FHIT: variants seen among roughly 807,000 people sequenced by gnomAD.
The protein encoded by FHIT is fragile histidine triad diadenosine triphosphatase.
Under a neutral mutation model 17.9 loss-of-function variants are expected in FHIT, and 19 were observed. That is an observed-to-expected ratio of 1.06 (90% CI 0.74 to 1.56). The LOEUF (loss-of-function observed/expected upper bound fraction) is 1.56, where lower values mean the gene tolerates loss of function less well. Among genes scored for constraint, FHIT ranks in the 40% most tolerant of loss-of-function variants. FHIT has a pLI of 0.00. For synonymous variants in FHIT, 81 were observed against 69.7 expected, an observed-to-expected ratio of 1.16 and a Z score of -0.81; for missense variants, 248 against 189.2, an observed-to-expected ratio of 1.31 and a Z score of -1.82.
At chr3:60,311,713 C>T (rs972810612) in intron 5 of FHIT, among the ~76,000 whole-genome samples, 3 of 152,196 alleles carry the variant, frequency 2.0e-5, no homozygotes, top group African/African-American at 7.2e-5. Flanking sequence ...TATGCAAAGG[C>T]TGTGGTTTGT....
At chr3:60,344,639 G>A (rs920089404) in intron 5 of FHIT, among the ~76,000 whole-genome samples, 2 of 152,182 alleles carry the variant, frequency 1.3e-5, no homozygotes, top group African/African-American at 4.8e-5. Flanking sequence ...CTGTATTTTA[G>A]AGACGCCTCC....
chr3:61,082,948 G>C (rs2035186599), intron 2 of FHIT, among the ~76,000 whole-genome samples: 1 of 152,142 alleles, frequency 6.6e-6, no homozygotes, highest in Admixed American at 6.6e-5. Context: ...TGCATTCAGG[G>C]TGGTATGGCC....
At chr3:60,031,918 A>C (rs1243372633) in intron 5 of FHIT, among the ~76,000 whole-genome samples, 1 of 152,234 alleles carries the variant, frequency 6.6e-6, no homozygotes, top group Non-Finnish European at 1.5e-5. Context: ...TAGTAACAGC[A>C]GTACCTATGA....
chr3:60,926,538 G>C (rs1320755667), intron 3 of FHIT, among the ~76,000 whole-genome samples: 16 of 152,128 alleles, frequency 1.1e-4, no homozygotes, highest in Admixed American at 2.0e-4. Context: ...ACCAGAATCT[G>C]TGGGACACAT....
intron 5 of FHIT, among the ~76,000 whole-genome samples, chr3:60,416,750 T>C (rs1440603186): frequency 1.3e-5 from 2 of 152,186 alleles, no homozygotes; most frequent in African/African-American, 4.8e-5. Flanking sequence ...CCTACTCATG[T>C]GCACAAGGAG....
chr3:60,381,086 TA>T (rs1366674045), intron 5 of FHIT, among the ~76,000 whole-genome samples: 1 of 152,190 alleles, frequency 6.6e-6, no homozygotes, highest in South Asian at 2.1e-4. Context: ...TCATGTCACA[TA>T]TAAATGATTT....
intron 4 of FHIT, among the ~76,000 whole-genome samples, chr3:60,703,347 C>T (rs1553702718): frequency 1.3e-5 from 2 of 152,170 alleles, no homozygotes; most frequent in African/African-American, 4.8e-5. Flanking sequence ...CAATAAATGT[C>T]TGTTATTTTA....
At chr3:61,044,587 A>T (rs2033692004) in intron 2 of FHIT, among the ~76,000 whole-genome samples, 1 of 152,098 alleles carries the variant, frequency 6.6e-6, no homozygotes, top group Non-Finnish European at 1.5e-5. Context: ...GAACTTCCCC[A>T]ATCTAGCAAT....
At chr3:59,752,612 T>C (rs1252920873) in intron 8 of FHIT, among the ~76,000 whole-genome samples, 3 of 152,140 alleles carry the variant, frequency 2.0e-5, no homozygotes, top group African/African-American at 7.2e-5. Flanking sequence ...GAATCCCCAG[T>C]GTCAGAGGTG....
At chr3:61,214,322 G>T (rs2106785480) in intron 1 of FHIT, among the ~76,000 whole-genome samples, 1 of 152,232 alleles carries the variant, frequency 6.6e-6, no homozygotes, top group African/African-American at 2.4e-5. Flanking sequence ...TGATAAAGGG[G>T]ATATCACCAC....
chr3:60,978,516 A>C (rs1435960167), intron 3 of FHIT, among the ~76,000 whole-genome samples: 1 of 152,220 alleles, frequency 6.6e-6, no homozygotes, highest in Non-Finnish European at 1.5e-5. Context: ...AGAGAAATAA[A>C]GCATGACATA....
At chr3:60,217,991 T>C (rs1199445055) in intron 5 of FHIT, among the ~76,000 whole-genome samples, 1 of 152,202 alleles carries the variant, frequency 6.6e-6, no homozygotes, top group African/African-American at 2.4e-5. Context: ...AATGCCATTC[T>C]CAATTTTTGG....
At chr3:60,032,279 G>A (rs553137469) in intron 5 of FHIT, among the ~76,000 whole-genome samples, 38 of 152,074 alleles carry the variant, frequency 2.5e-4, no homozygotes, top group African/African-American at 7.5e-4. Context: ...GGGCAAAGTA[G>A]TGAGACCCCA....
chr3:60,361,642 A>T (rs1277831245), intron 5 of FHIT, among the ~76,000 whole-genome samples: 1 of 152,222 alleles, frequency 6.6e-6, no homozygotes, highest in African/African-American at 2.4e-5. Context: ...CAAGAATCAA[A>T]CAAACAAAAG....
chr3:60,491,363 C>G (rs1263703341), intron 5 of FHIT, among the ~76,000 whole-genome samples: 1 of 151,890 alleles, frequency 6.6e-6, no homozygotes, highest in Non-Finnish European at 1.5e-5. Context: ...ACACAACCAA[C>G]CTTATAATGT....
intron 4 of FHIT, among the ~76,000 whole-genome samples, chr3:60,717,890 A>T (rs2041723481): frequency 6.6e-6 from 1 of 152,212 alleles, no homozygotes; most frequent in Admixed American, 6.5e-5. Flanking sequence ...TCAACTCAAC[A>T]AAAGCTGAAG....
At chr3:59,921,464 TATG>T (rs149590593) in intron 8 of FHIT, among the ~76,000 whole-genome samples, 1,785 of 152,284 alleles carry the variant, frequency 0.012, 36 homozygotes, top group African/African-American at 0.041. Context: ...AGACGGCAAA[TATG>T]ATACCTACCT....
chr3:60,900,455 A>C (rs1250887631), intron 3 of FHIT, among the ~76,000 whole-genome samples: 3 of 151,748 alleles, frequency 2.0e-5, no homozygotes, highest in African/African-American at 7.3e-5. Context: ...AGAAAAAAAA[A>C]AGAAAAATCC....
At chr3:60,205,093 C>CAAAA (rs201539340) in intron 5 of FHIT, among the ~76,000 whole-genome samples, 1 of 105,192 alleles carries the variant, frequency 9.5e-6, no homozygotes, top group Non-Finnish European at 2.0e-5. Context: ...GACCCTGCCT[C>CAAAA]AAAAAAAAAA....
Sources: allele counts gnomAD v4.1 joint callset (sites outside exome capture counted in the v4.1 genomes callset), GRCh38; gene constraint gnomAD v4.1.1; transcripts MANE v1.5; gene names NCBI Gene and HGNC (gene_info 2026-07-23, HGNC 2026-07-21).